Variants in WWOX observed in about 807,000 individuals in gnomAD.
WWOX encodes the protein WW domain-containing oxidoreductase.
A neutral mutation model predicts 46.2 loss-of-function variants in WWOX; 69 were observed. The observed-to-expected ratio is 1.49, with a 90% confidence interval of 1.23 to 1.82. The LOEUF (loss-of-function observed/expected upper bound fraction) is 1.82. WWOX is among the 40% of genes most tolerant of loss of function. The probability of loss-of-function intolerance (pLI) is 0.00; values close to 1 mark genes in which losing one functional copy is unlikely to be tolerated. For missense variants in WWOX, 919 were observed against 542.6 expected (o/e 1.69, Z -6.89); for synonymous variants, 359 against 202.6 (o/e 1.77, Z -6.56).
chr16:78,511,075 G>T (rs567663442), intron 8 of WWOX, among the ~76,000 whole-genome samples: 3 of 152,216 alleles, frequency 2.0e-5, no homozygotes, highest in Non-Finnish European at 2.9e-5. Context: ...TAGTCCCAGG[G>T]TGTTTTCAGA....
At chr16:78,395,813 G>C (rs1438593487) in intron 6 of WWOX, among the ~76,000 whole-genome samples, 2 of 151,734 alleles carry the variant, frequency 1.3e-5, no homozygotes, top group Non-Finnish European at 2.9e-5. Context: ...GATTTATGCT[G>C]ATGGAAAGCC....
chr16:78,952,050 A>G (rs963369582), intron 8 of WWOX, among the ~76,000 whole-genome samples: 62 of 152,264 alleles, frequency 4.1e-4, no homozygotes, highest in African/African-American at 1.5e-3. Flanking sequence ...TAGGGTAAAG[A>G]CAGACCCCTA....
intron 8 of WWOX, among the ~76,000 whole-genome samples, chr16:78,537,338 T>A (rs1277661416): frequency 6.6e-6 from 1 of 152,234 alleles, no homozygotes; most frequent in South Asian, 2.1e-4. Flanking sequence ...ATATGCATTT[T>A]CTAGGTAGAT....
At chr16:78,958,911 T>A (rs897762317) in intron 8 of WWOX, among the ~76,000 whole-genome samples, 1 of 152,160 alleles carries the variant, frequency 6.6e-6, no homozygotes, top group African/African-American at 2.4e-5. Context: ...GAGCATAGCT[T>A]AGTGGGGAGA....
At chr16:79,078,783 T>G (rs2048706681) in intron 8 of WWOX, among the ~76,000 whole-genome samples, 1 of 152,214 alleles carries the variant, frequency 6.6e-6, no homozygotes. Flanking sequence ...TCACTTCTCT[T>G]GGCCTTTATT....
intron 8 of WWOX, among the ~76,000 whole-genome samples, chr16:78,751,481 A>ATATATG (rs1014814977): frequency 1.4e-5 from 2 of 146,202 alleles, no homozygotes; most frequent in African/African-American, 5.0e-5. Context: ...ATATATATAT[A>ATATATG]TATATATGCA....
At chr16:78,404,378 C>G (rs145667184) in intron 6 of WWOX, among the ~76,000 whole-genome samples, 75 of 152,054 alleles carry the variant, frequency 4.9e-4, no homozygotes, top group African/African-American at 1.6e-3. Flanking sequence ...CACCTCTATC[C>G]TTCAGGGGTT....
chr16:79,094,351 G>A (rs988786405), intron 8 of WWOX, among the ~76,000 whole-genome samples: 2 of 151,016 alleles, frequency 1.3e-5, no homozygotes, highest in African/African-American at 2.4e-5. Flanking sequence ...ACTGGTTCAA[G>A]CAATTCCCCT....
intron 8 of WWOX, among the ~76,000 whole-genome samples, chr16:78,818,185 G>A (rs1190555890): frequency 6.6e-6 from 1 of 152,092 alleles, no homozygotes; most frequent in Non-Finnish European, 1.5e-5. Flanking sequence ...GGTAGTCTCT[G>A]TGTTCAGGTA....
At chr16:78,871,608 C>T (rs1274127697) in intron 8 of WWOX, among the ~76,000 whole-genome samples, 1 of 152,170 alleles carries the variant, frequency 6.6e-6, no homozygotes, top group African/African-American at 2.4e-5. Flanking sequence ...CACTAGGTAA[C>T]AGGCTCTAGA....
chr16:78,523,197 A>G (rs1440230928), intron 8 of WWOX, among the ~76,000 whole-genome samples: 1 of 152,266 alleles, frequency 6.6e-6, no homozygotes, highest in African/African-American at 2.4e-5. Flanking sequence ...AGTAATAGTA[A>G]TAATTACCAT....
Position 79,088,830 on chromosome 16 carries a change from T to C in WWOX, c.1057-122778T>C, listed in dbSNP as rs779513520. On this transcript the variant is annotated intron_variant, in intron 8 of 8. Transcript: ENST00000566780. ...ATCGTCCACCCAACGGCAAAGTCCA[T>C]AGAAGCCCAGGATGCATTCTGACCC... is the stretch of plus-strand genomic sequence containing the variant. 9.9e-5 allele frequency among the ~76,000 whole-genome samples: 15 copies of C among 152,214 alleles called. No individual in the cohort carries two copies. The East Asian group carries it at 1.2e-3, about 12-fold the overall frequency.
chr16:78,337,643 A>G (rs1198111473), intron 5 of WWOX, among the ~76,000 whole-genome samples: 1 of 152,164 alleles, frequency 6.6e-6, no homozygotes, highest in African/African-American at 2.4e-5. Context: ...GTCCCCTGAA[A>G]GTGTTATTAA....
chr16:78,937,470 T>C (rs2045763595), intron 8 of WWOX, among the ~76,000 whole-genome samples: 1 of 144,546 alleles, frequency 6.9e-6, no homozygotes. Context: ...TTTTTTTTTT[T>C]TTTTAATAGC....
At chr16:78,672,398 C>T (rs1311724608) in intron 8 of WWOX, among the ~76,000 whole-genome samples, 1 of 152,116 alleles carries the variant, frequency 6.6e-6, no homozygotes, top group Admixed American at 6.5e-5. Context: ...TTGAAGACAC[C>T]AGAAAATAGT....
chr16:78,600,898 C>T (rs1402269759), intron 8 of WWOX, among the ~76,000 whole-genome samples: 1 of 152,138 alleles, frequency 6.6e-6, no homozygotes, highest in Non-Finnish European at 1.5e-5. Flanking sequence ...GCCTGTGTGA[C>T]CCTGTGGCCA....
At chr16:79,154,131 T>C (rs1202334313) in intron 8 of WWOX, among the ~76,000 whole-genome samples, 1 of 152,228 alleles carries the variant, frequency 6.6e-6, no homozygotes, top group Non-Finnish European at 1.5e-5. Context: ...ATCTATTCAA[T>C]GTCAGAGCCC....
At chr16:78,735,377 C>G (rs890788212) in intron 8 of WWOX, among the ~76,000 whole-genome samples, 4 of 124,374 alleles carry the variant, frequency 3.2e-5, no homozygotes, top group African/African-American at 1.5e-4. Context: ...TAAGAGATGT[C>G]ATACACACCA....
chr16:78,785,149 A>G (rs1454341707), intron 8 of WWOX, among the ~76,000 whole-genome samples: 1 of 152,220 alleles, frequency 6.6e-6, no homozygotes, highest in East Asian at 1.9e-4. Context: ...TAAAAACAAT[A>G]ACCAAGTGTG....
Sources: allele counts gnomAD v4.1 joint callset (sites outside exome capture counted in the v4.1 genomes callset), GRCh38; gene constraint gnomAD v4.1.1; transcripts MANE v1.5; gene names NCBI Gene and HGNC (gene_info 2026-07-23, HGNC 2026-07-21).